Variants in ALX1 observed in about 807,000 individuals in gnomAD.
The protein encoded by ALX1 is ALX homeobox 1.
ALX1 carries 19 observed loss-of-function variants against 31.7 expected under a neutral mutation model. The ratio of observed to expected loss-of-function variants is 0.60; its 90% confidence interval spans 0.42 to 0.88. The LOEUF is 0.88. ALX1 is among the 40% of genes least tolerant of loss of function. The probability of loss-of-function intolerance (pLI) is 0.00; values close to 1 mark genes in which losing one functional copy is unlikely to be tolerated. For missense variants in ALX1, 415 were observed against 407.8 expected, an observed-to-expected ratio of 1.02 and a Z score of -0.15; for synonymous variants, 153 against 148.8, an observed-to-expected ratio of 1.03 and a Z score of -0.20.
Position 85,280,305 on chromosome 12 carries a change from G to A in ALX1, c.44G>A (p.Ser15Asn), listed in dbSNP as rs1015342746. Residue 15 changes from serine (S) to asparagine (N), a missense_variant, in exon 1 of 4, where the codon AGT becomes AAT. Physicochemically the swap from Ser to Asn is conservative, Grantham distance 46. Transcript: ENST00000316824. ...SEKFALKSPP[S>N]KNSDFYMGAG... ...AAGTTTGCCCTCAAGAGCCCTCCGA[G>A]TAAAAACAGTGACTTTTACATGGGC... The A allele has an allele frequency of 1.9e-6, 3 of 1,613,608 alleles. No individual in the cohort carries two copies. The highest frequency in any genetic ancestry group is 2.5e-6 in the Non-Finnish European group (3 of 1,180,032).
At chr12:85,292,981 T>C (rs771439386) in intron 3 of ALX1, among the ~76,000 whole-genome samples, 2 of 150,840 alleles carry the variant, frequency 1.3e-5, no homozygotes, top group Non-Finnish European at 3.0e-5. Context: ...CATTGTATGA[T>C]GAGTGCTTTT....
chr12:85,281,758 A>T (rs892419060), intron 1 of ALX1, among the ~76,000 whole-genome samples: 1 of 152,054 alleles, frequency 6.6e-6, no homozygotes, highest in Non-Finnish European at 1.5e-5. Context: ...TCTTACACTG[A>T]GTTGTTGGTT....
intron 3 of ALX1, among the ~76,000 whole-genome samples, chr12:85,287,870 G>A (rs1373489486): frequency 6.6e-6 from 1 of 151,434 alleles, no homozygotes; most frequent in African/African-American, 2.4e-5. Flanking sequence ...AGACCCATGT[G>A]AAAACACATA....
chr12:85,284,613 C>T (rs1020361100), intron 2 of ALX1, among the ~76,000 whole-genome samples: 17 of 151,900 alleles, frequency 1.1e-4, no homozygotes, highest in Non-Finnish European at 5.9e-5. Flanking sequence ...TTGGATGATC[C>T]AATATGCTTA....
intron 1 of ALX1, among the ~76,000 whole-genome samples, chr12:85,283,222 A>T (rs1374760040): frequency 6.6e-6 from 1 of 152,308 alleles, no homozygotes; most frequent in African/African-American, 2.4e-5. Context: ...AATTTGCTTC[A>T]GTTTTCAAAA....
At chr12:85,296,300 A>G (rs1344220786) in intron 3 of ALX1, among the ~76,000 whole-genome samples, 1 of 151,576 alleles carries the variant, frequency 6.6e-6, no homozygotes. Context: ...AACTCTTAGT[A>G]TTTATGTTTA....
At position 85,301,657 on chromosome 12, in the gene ALX1, G is replaced by A. The variant is rs1896968777; in HGVS notation, c.*182G>A. The A allele has an allele frequency of 5.7e-6, 4 of 697,522 alleles. No homozygotes were observed. Among genetic ancestry groups the A allele is most frequent in the Non-Finnish European group, 7.1e-6 (3 of 424,392 alleles). The allele number at this position is 697,522 out of a possible 1,614,324, so 43.2% of individuals were successfully genotyped here. ...AAATCTAAGAATGAACCTCTGAAAA[G>A]ACTAAATAGGTTTACCATGTGCCAG... On this transcript the variant is annotated 3_prime_UTR_variant, in exon 4 of 4. Coordinates refer to ENST00000316824, the MANE Select transcript of ALX1 (RefSeq NM_006982.3).
intron 2 of ALX1, 60 bp from the exon 3 acceptor site, chr12:85,286,793 A>C: frequency 7.0e-7 from 1 of 1,422,832 alleles, no homozygotes; most frequent in Non-Finnish European, 9.6e-7. Flanking sequence ...GTCTTTTAAC[A>C]TCACATTTGC....
intron 3 of ALX1, among the ~76,000 whole-genome samples, chr12:85,289,476 A>T (rs1167302259): frequency 6.6e-6 from 1 of 151,272 alleles, no homozygotes; most frequent in Admixed American, 6.6e-5. Flanking sequence ...CACTCCAATG[A>T]AAAATTAATT....
chr12:85,283,544 A>G, intron 1 of ALX1, 28 bp from the exon 2 acceptor site: 2 of 1,610,802 alleles, frequency 1.2e-6, no homozygotes, highest in South Asian at 1.1e-5. Flanking sequence ...AATCCTGAGA[A>G]CTGTTGTTTT....
At chr12:85,295,843 GAA>G (rs1896880906) in intron 3 of ALX1, among the ~76,000 whole-genome samples, 1 of 151,546 alleles carries the variant, frequency 6.6e-6, no homozygotes, top group African/African-American at 2.4e-5. Flanking sequence ...TATTTTAGTA[GAA>G]AAACGTTACT....
At chr12:85,289,880 GAA>G (rs1304903160) in intron 3 of ALX1, among the ~76,000 whole-genome samples, 1 of 151,134 alleles carries the variant, frequency 6.6e-6, no homozygotes, top group African/African-American at 2.4e-5. Context: ...CATGGGGCTT[GAA>G]AATAGGAACT....
intron 2 of ALX1, among the ~76,000 whole-genome samples, chr12:85,285,185 C>A (rs1215823213): frequency 1.3e-5 from 2 of 152,018 alleles, no homozygotes; most frequent in Non-Finnish European, 2.9e-5. Flanking sequence ...ACCAACTGTA[C>A]ATAATGCATC....
chr12:85,295,971 T>G (rs1034404396), intron 3 of ALX1, among the ~76,000 whole-genome samples: 1 of 151,660 alleles, frequency 6.6e-6, no homozygotes, highest in East Asian at 1.9e-4. Context: ...AGCACTAATA[T>G]TAGGATATTG....
intron 1 of ALX1, among the ~76,000 whole-genome samples, chr12:85,282,807 G>T (rs574338807): frequency 6.6e-6 from 1 of 151,686 alleles, no homozygotes; most frequent in African/African-American, 2.4e-5. Context: ...TTTCAGCAGA[G>T]AAAATAGAAA....
Position 85,280,298 on chromosome 12 carries a change from C to T in ALX1, c.37C>T (p.Pro13Ser), listed in dbSNP as rs759032123. 2 of 1,613,660 alleles carry T rather than the reference C, an allele frequency of 1.2e-6. No homozygotes were observed. The highest frequency in any genetic ancestry group is 2.2e-5 in the South Asian group (2 of 91,078). ...GAGCGAGAAGTTTGCCCTCAAGAGC[C>T]CTCCGAGTAAAAACAGTGACTTTTA... Reference protein sequence around the residue: ...FLSEKFALKSPPSKNSDFYMG... With the variant: ...FLSEKFALKSSPSKNSDFYMG... Residue 13 changes from proline to serine, a missense_variant, in exon 1 of 4, where the codon CCT becomes TCT. By Grantham distance (74) the Pro-to-Ser change is moderately conservative. Coordinates refer to ENST00000316824, the MANE Select transcript of ALX1 (RefSeq NM_006982.3).
At chr12:85,284,352 A>C (rs1896721992) in intron 2 of ALX1, among the ~76,000 whole-genome samples, 1 of 151,360 alleles carries the variant, frequency 6.6e-6, no homozygotes, top group East Asian at 1.9e-4. Context: ...AAAAAAAAAA[A>C]CAATCCCACA....
intron 1 of ALX1, 111 bp downstream of exon 1, chr12:85,280,598 C>T: frequency 8.3e-7 from 1 of 1,211,424 alleles, no homozygotes; most frequent in East Asian, 2.5e-5. Flanking sequence ...GAGCGAGGGA[C>T]CTGGAAGGTG....
chr12:85,292,902 T>A (rs1279054598), intron 3 of ALX1, among the ~76,000 whole-genome samples: 1 of 150,826 alleles, frequency 6.6e-6, no homozygotes, highest in African/African-American at 2.4e-5. Context: ...ATTTCTATTT[T>A]TTCCCAAATA....
Sources: allele counts gnomAD v4.1 joint callset (sites outside exome capture counted in the v4.1 genomes callset), GRCh38; gene constraint gnomAD v4.1.1; transcripts MANE v1.5; gene names NCBI Gene and HGNC (gene_info 2026-07-23, HGNC 2026-07-21).